ME1: variants seen among roughly 807,000 people sequenced by gnomAD.
The protein encoded by ME1 is malic enzyme 1, also known as NADP-dependent malic enzyme.
ME1 carries 74 observed loss-of-function variants against 66.4 expected under a neutral mutation model. The observed-to-expected ratio is 1.11, with a 90% CI of 0.92 to 1.35. ME1 has a LOEUF of 1.35. ME1 is among the 40% of genes most tolerant of loss of function. ME1 has a pLI of 0.00. For synonymous variants in ME1, 251 were observed against 235.6 expected (o/e 1.07, Z -0.60); for missense variants, 750 against 694.1 (o/e 1.08, Z -0.90).
chr6:83,409,736 G>A (rs1417787197), intron 1 of ME1, among the ~76,000 whole-genome samples: 3 of 152,146 alleles, frequency 2.0e-5, no homozygotes, highest in Non-Finnish European at 2.9e-5. Context: ...AATCTTCAGC[G>A]CAAGAAGCAG....
At chr6:83,328,777 G>A (rs572422582) in intron 5 of ME1, among the ~76,000 whole-genome samples, 60 of 152,204 alleles carry the variant, frequency 3.9e-4, no homozygotes, top group Non-Finnish European at 7.1e-4. Context: ...AAAAAAGGGT[G>A]GAACTTCTTT....
chr6:83,251,917 A>C (rs1790731657), intron 7 of ME1, among the ~76,000 whole-genome samples: 1 of 152,168 alleles, frequency 6.6e-6, no homozygotes, highest in Non-Finnish European at 1.5e-5. Context: ...TTCACCACAA[A>C]AGCCTGAGCA....
chr6:83,365,764 C>T (rs779219242), intron 3 of ME1, among the ~76,000 whole-genome samples: 1 of 152,132 alleles, frequency 6.6e-6, no homozygotes, highest in Non-Finnish European at 1.5e-5. Context: ...TCATTTGCTC[C>T]AAAGATAAAC....
chr6:83,407,441 C>G (rs1320602102), intron 2 of ME1, among the ~76,000 whole-genome samples: 1 of 152,186 alleles, frequency 6.6e-6, no homozygotes, highest in Non-Finnish European at 1.5e-5. Context: ...GTGCTTTCAA[C>G]TACAATATAC....
chr6:83,339,987 G>A (rs201997981), intron 5 of ME1, among the ~76,000 whole-genome samples: 40,520 of 138,702 alleles, frequency 0.29, 6,068 homozygotes, highest in Middle Eastern at 0.44. Context: ...AAAAAGAAAA[G>A]AAAAGAAATG....
rs1554270328 is a variant in ME1 at position 83,357,945 on chromosome 6, A to ATATATG, written c.363-5807_363-5806insCATATA. On this transcript the variant is annotated intron_variant, in intron 3 of 13. Transcript: ENST00000369705. ...TCTCTCTCTCTCTCTCTATATATATATATATATATATATATATATATATAT... is the reference window on the plus strand; with the variant it reads ...TCTCTCTCTCTCTCTCTATATATATATATATGTATATATATATATATATATATATAT... Among the ~76,000 whole-genome samples, 3 of 68,306 alleles carry ATATATG rather than the reference A, an allele frequency of 4.4e-5. 1 individual carries two copies. Among genetic ancestry groups the ATATATG allele is most frequent in the Non-Finnish European group, 8.1e-5 (3 of 36,874 alleles). 44.8% of individuals were successfully genotyped at this position (68,306 alleles called of 152,430 possible).
chr6:83,341,609 T>C (rs1277050834), intron 5 of ME1, among the ~76,000 whole-genome samples: 1 of 152,154 alleles, frequency 6.6e-6, no homozygotes, highest in African/African-American at 2.4e-5. Context: ...ACAATTAAAT[T>C]CCCAAAATAT....
At chr6:83,372,599 TA>T (rs1769209776) in intron 3 of ME1, among the ~76,000 whole-genome samples, 1 of 152,192 alleles carries the variant, frequency 6.6e-6, no homozygotes, top group Admixed American at 6.5e-5. Flanking sequence ...TCCCGAGGTG[TA>T]AAAACCTTTG....
At chr6:83,308,620 A>G (rs34732500) in intron 6 of ME1, among the ~76,000 whole-genome samples, 1 of 151,718 alleles carries the variant, frequency 6.6e-6, no homozygotes, top group Non-Finnish European at 1.5e-5. Context: ...TTTAAGCTAT[A>G]TAAACAAAAC....
intron 1 of ME1, among the ~76,000 whole-genome samples, chr6:83,418,223 T>C (rs1443320130): frequency 6.6e-6 from 1 of 152,234 alleles, no homozygotes; most frequent in South Asian, 2.1e-4. Context: ...AAGAGATTTA[T>C]TATGAGAGAA....
chr6:83,266,278 C>T (rs1228839388), intron 6 of ME1, among the ~76,000 whole-genome samples: 1 of 152,296 alleles, frequency 6.6e-6, no homozygotes, highest in East Asian at 1.9e-4. Context: ...AATATCCATT[C>T]TTAGGCCACA....
chr6:83,331,451 G>T (rs1392595599), intron 5 of ME1, among the ~76,000 whole-genome samples: 3 of 151,958 alleles, frequency 2.0e-5, no homozygotes, highest in African/African-American at 4.8e-5. Context: ...GTCGGGCGTG[G>T]TGGTGGGCGC....
chr6:83,396,627 A>C (rs756501471), intron 3 of ME1, among the ~76,000 whole-genome samples: 42 of 152,206 alleles, frequency 2.8e-4, no homozygotes, highest in Non-Finnish European at 5.7e-4. Flanking sequence ...ATAAAGATTA[A>C]AAAATTCATA....
intron 10 of ME1, among the ~76,000 whole-genome samples, chr6:83,228,349 A>G (rs1265913510): frequency 6.6e-6 from 1 of 152,178 alleles, no homozygotes; most frequent in Non-Finnish European, 1.5e-5. Flanking sequence ...TTTAGGCTGG[A>G]TAATTCCTTG....
At chr6:83,345,059 G>A (rs774488572) in intron 5 of ME1, among the ~76,000 whole-genome samples, 19 of 151,770 alleles carry the variant, frequency 1.3e-4, no homozygotes, top group African/African-American at 2.9e-4. Flanking sequence ...GTCCAATTGC[G>A]CGATCATGGC....
At chr6:83,363,054 GA>G (rs984112059) in intron 3 of ME1, among the ~76,000 whole-genome samples, 2 of 152,114 alleles carry the variant, frequency 1.3e-5, no homozygotes, top group African/African-American at 4.8e-5. Flanking sequence ...CGGATACTCT[GA>G]ATCAGCGTCC....
intron 5 of ME1, 77 bp downstream of exon 5, chr6:83,346,096 C>T: frequency 8.7e-7 from 1 of 1,154,798 alleles, no homozygotes. Flanking sequence ...TTATGAGTTC[C>T]TGGAATAAGT....
rs186216293 is a variant in ME1 at position 83,325,078 on chromosome 6, G to A, written c.601-9665C>T. On this transcript the variant is annotated intron_variant, in intron 5 of 13. Coordinates refer to ENST00000369705, the MANE Select transcript of ME1 (RefSeq NM_002395.6). The stretch of plus-strand genomic sequence containing the variant: ...GTTCAACATATGCGAATCAATAAAT[G>A]TAATCCATCACATAAACAGAACCAA... Among the ~76,000 whole-genome samples the A allele has an allele frequency of 2.5e-3, 385 of 152,268 alleles. 2 individuals are homozygous for A. Among genetic ancestry groups the A allele is most frequent in the Non-Finnish European group, 3.5e-3 (241 of 68,034 alleles).
intron 4 of ME1, among the ~76,000 whole-genome samples, chr6:83,351,607 A>G (rs1768804475): frequency 6.6e-6 from 1 of 152,206 alleles, no homozygotes; most frequent in African/African-American, 2.4e-5. Context: ...GAATGCTACC[A>G]AATGTCAAGT....
Sources: allele counts gnomAD v4.1 joint callset (sites outside exome capture counted in the v4.1 genomes callset), GRCh38; gene constraint gnomAD v4.1.1; transcripts MANE v1.5; gene names NCBI Gene and HGNC (gene_info 2026-07-23, HGNC 2026-07-21).